The following BRD2 variants were observed in gnomAD, a reference collection of about 807,000 sequenced individuals.
BRD2 encodes bromodomain-containing protein 2.
In BRD2, 15 loss-of-function variants were observed where a neutral mutation model predicts 79.1. The ratio of observed to expected loss-of-function variants is 0.19; its 90% CI spans 0.13 to 0.29. The LOEUF (loss-of-function observed/expected upper bound fraction) is 0.29. BRD2 is among the 10% of genes least tolerant of loss of function. BRD2 has a pLI of 1.00. For synonymous variants in BRD2, 488 were observed against 358.6 expected, an observed-to-expected ratio of 1.36 and a Z score of -4.08; for missense variants, 1,053 against 991.3, an observed-to-expected ratio of 1.06 and a Z score of -0.84.
At position 32,972,926 on chromosome 6, in the gene BRD2, A is replaced by C; in HGVS notation, c.28A>C (p.Lys10Gln). Residue 10 changes from lysine (K) to glutamine (Q), a missense_variant and splice_region_variant, in exon 2 of 13, where the codon AAG (lysine) becomes CAG (glutamine). This residue lies in a region of BRD2 where 413 missense variants were observed against 335.1 expected (regional missense o/e 1.23). Coordinates refer to ENST00000374825, the MANE Select transcript of BRD2 (RefSeq NM_005104.4). MLQNVTPHN[K>Q]LPGEGNAGLL... ...GCTGCAAAACGTGACTCCCCACAATAAGTACGTTTCCGCGAGCCGCGTGTG... is the reference window on the plus strand; with the variant it reads ...GCTGCAAAACGTGACTCCCCACAATCAGTACGTTTCCGCGAGCCGCGTGTG... The C allele has an allele frequency of 6.2e-6, 10 of 1,613,936 alleles. No homozygotes were observed. Among genetic ancestry groups the C allele is most frequent in the Non-Finnish European group, 8.5e-6 (10 of 1,179,924 alleles).
At chr6:32,975,336 A>G in intron 3 of BRD2, 48 bp from the exon 4 acceptor site, 3 of 1,490,818 alleles carry the variant, frequency 2.0e-6, no homozygotes, top group Non-Finnish European at 2.8e-6. Context: ...TAGTCTCCCT[A>G]TAAGCATTTA....
At chr6:32,973,142 T>C (rs977928766) in intron 2 of BRD2, 82 of 1,548,868 alleles carry the variant, frequency 5.3e-5, no homozygotes, top group Non-Finnish European at 6.1e-5. Flanking sequence ...TGTCAATTTA[T>C]ACGCTATTAA....
In BRD2 at chr6:32,972,008, T is replaced by G. The variant is rs1049278; in HGVS notation, c.-891T>G. ...GGAAATGAAGTTTATGACGTCATCG[T>G]TGCGGCTGGCCAATAGAAAAAGCTC... On this transcript the variant is annotated 5_prime_UTR_variant, in exon 2 of 13. Transcript: ENST00000374825. The G allele has an allele frequency of 1.4e-6, 1 of 702,466 alleles. No homozygotes were observed. Among genetic ancestry groups the G allele is most frequent in the Non-Finnish European group, 2.6e-6 (1 of 384,918 alleles). The allele number at this position is 702,466 out of a possible 1,614,324, so 43.5% of individuals were successfully genotyped here.
chr6:32,972,664 G>A lies in BRD2; in HGVS notation c.-235G>A. 8.1e-6 allele frequency: 5 copies of A among 616,922 alleles called. No individual in the cohort carries two copies. In the South Asian group the frequency reaches 9.7e-5, roughly 12 times the overall value. 38.2% of individuals were successfully genotyped at this position (616,922 alleles called of 1,614,324 possible). A position where few individuals can be genotyped will look rare whatever the true frequency, so the allele number is the denominator to read the frequency against. On this transcript the variant is annotated 5_prime_UTR_variant, in exon 2 of 13. Transcript: ENST00000374825. ...TTAGTTGCCCGCCTCAGCTGAGGCC[G>A]CCGCCATTTTCTTGCTGTCCGCCGT...
rs913304349 is a variant in BRD2 at position 32,976,640 on chromosome 6, C to T, written c.904C>T (p.Pro302Ser). 8 of 1,612,252 alleles carry T rather than the reference C, an allele frequency of 5.0e-6. No individual in the cohort carries two copies. The highest frequency in any genetic ancestry group is 2.7e-5 in the African/African-American group (2 of 74,924). ...CTTGGCTCCTGGTTCTCCAGCTAGC[C>T]CTCCTGGGAGTCTTGAGCCTAAGGC... The part of the protein sequence containing the change: ...AILAPGSPAS[P>S]PGSLEPKAAR... Residue 302 changes from proline (P) to serine (S), a missense_variant, in exon 7 of 13, where the codon CCT becomes TCT. Pro to Ser is a moderately conservative substitution (Grantham distance 74). Transcript: ENST00000374825.
chr6:32,975,603 T>C, intron 4 of BRD2, 82 bp downstream of exon 4: 2 of 1,535,244 alleles, frequency 1.3e-6, no homozygotes, highest in Non-Finnish European at 1.8e-6. Context: ...CTACATAAAG[T>C]TTAAATCCTT....
At position 32,976,325 on chromosome 6, in the gene BRD2, C is replaced by T; in HGVS notation, c.686C>T (p.Pro229Leu). The stretch of plus-strand genomic sequence containing the variant: ...GTGTCACACACAGCCCTGTATACTC[C>T]TCCACCTGAGATACCTACCACTGTC... ...SSVSHTALYT[P>L]PPEIPTTVLN... The change falls in exon 6 of 13, where the codon CCT becomes CTT. Residue 229 changes from proline (P) to leucine (L), a missense_variant. Physicochemically the swap from Pro to Leu is moderately conservative, Grantham distance 98. This residue lies in a region of BRD2 where 413 missense variants were observed against 335.1 expected (regional missense o/e 1.23). Coordinates refer to ENST00000374825, the MANE Select transcript of BRD2 (RefSeq NM_005104.4). The T allele has an allele frequency of 6.2e-7, 1 of 1,613,072 alleles. No individual in the cohort carries two copies. The highest frequency in any genetic ancestry group is 8.5e-7 in the Non-Finnish European group (1 of 1,180,018).
Position 32,976,083 on chromosome 6 carries a change from A to G in BRD2, c.524A>G (p.Gln175Arg). ...CAAACGCTGGAAAAGATATTCCTAC[A>G]GAAGGTTGCATCAATGCCACAAGAA... ...MAQTLEKIFL[Q>R]KVASMPQEEQ... The change falls in exon 5 of 13, where the codon CAG becomes CGG. Residue 175 changes from glutamine (Q) to arginine (R), a missense_variant. This residue lies in a region of BRD2 where 413 missense variants were observed against 335.1 expected (regional missense o/e 1.23). Transcript: ENST00000374825. The G allele has an allele frequency of 6.2e-7, 1 of 1,612,992 alleles. No individual in the cohort carries two copies. Among genetic ancestry groups the G allele is most frequent in the Non-Finnish European group, 8.5e-7 (1 of 1,180,000 alleles).
In BRD2 at chr6:32,979,664, T is replaced by C. The variant is rs1042360203; in HGVS notation, c.1842-164T>C. 9 of 747,362 alleles carry C rather than the reference T, an allele frequency of 1.2e-5. 1 individual carries two copies. Among genetic ancestry groups the C allele is most frequent in the East Asian group, 5.4e-5 (2 of 36,788 alleles). 46.3% of individuals were successfully genotyped at this position (747,362 alleles called of 1,614,324 possible). On this transcript the variant is annotated intron_variant, in intron 10 of 12. Coordinates refer to ENST00000374825, the MANE Select transcript of BRD2 (RefSeq NM_005104.4). Reference sequence around the variant, plus strand: ...ACTTACAGTCGAGCAAAATGCTCTGTTTCACTATACAGTGTCCCAGTAGCC... The same window carrying C: ...ACTTACAGTCGAGCAAAATGCTCTGCTTCACTATACAGTGTCCCAGTAGCC...
rs1384817053 is a variant in BRD2, at chr6:32,976,702, C to A, written c.966C>A (p.Arg322=). 6.2e-7 allele frequency: 1 copy of A among 1,612,970 alleles called. No individual in the cohort carries two copies. Among genetic ancestry groups the A allele is most frequent in the African/African-American group, 1.3e-5 (1 of 74,880 alleles). ...RLPPMRRESG[R]PIKPPRKDLP... The stretch of plus-strand genomic sequence containing the variant: ...CCCCTATGCGTAGAGAGAGTGGTCG[C>A]CCCATCAAGCCCCCACGCAAAGACT... The change falls in exon 7 of 13, where the codon CGC becomes CGA. Residue 322 remains arginine, a synonymous_variant. Coordinates refer to ENST00000374825, the MANE Select transcript of BRD2 (RefSeq NM_005104.4).
In BRD2 at chr6:32,976,471, T is replaced by A. The variant is rs770731252; in HGVS notation, c.825+7T>A. Reference sequence around the variant, plus strand: ...AGCCCAGCCCCTTGCCAAGGTATGATCTGTGGATTTCCTCTGGGCAGCAGG... The same window carrying A: ...AGCCCAGCCCCTTGCCAAGGTATGAACTGTGGATTTCCTCTGGGCAGCAGG... On this transcript the variant is annotated splice_region_variant and intron_variant, in intron 6 of 12. Coordinates refer to ENST00000374825, the MANE Select transcript of BRD2 (RefSeq NM_005104.4). 18 of 1,607,468 alleles carry A rather than the reference T, an allele frequency of 1.1e-5. No homozygotes were observed. The highest frequency in any genetic ancestry group is 1.4e-5 in the Non-Finnish European group (16 of 1,179,692).
rs755769962 is a variant in BRD2, at chr6:32,976,639, C to T, written c.903C>T (p.Ser301=). ...TCTTGGCTCCTGGTTCTCCAGCTAGCCCTCCTGGGAGTCTTGAGCCTAAGG... is the reference window on the plus strand; with the variant it reads ...TCTTGGCTCCTGGTTCTCCAGCTAGTCCTCCTGGGAGTCTTGAGCCTAAGG... ...TAILAPGSPA[S]PPGSLEPKAA... The change falls in exon 7 of 13, where the codon AGC becomes AGT. Residue 301 remains serine, a synonymous_variant. Coordinates refer to ENST00000374825, the MANE Select transcript of BRD2 (RefSeq NM_005104.4). 4.3e-6 allele frequency: 7 copies of T among 1,612,258 alleles called. No homozygotes were observed. The South Asian group carries it at 4.4e-5, about 10-fold the overall frequency.
Position 32,969,032 on chromosome 6 carries a change from C to T in BRD2, c.-1329C>T, listed in dbSNP as rs1777708441. ...ACCAAGCCGAGGGCAACTTTGGAGG[C>T]CCCCTGGAAGGCTTTAGGATCCAGG... is the stretch of plus-strand genomic sequence containing the variant. On this transcript the variant is annotated 5_prime_UTR_variant, in exon 1 of 13. Transcript: ENST00000374825. The T allele has an allele frequency of 2.7e-6, 1 of 375,956 alleles. No individual in the cohort carries two copies. Among genetic ancestry groups the T allele is most frequent in the East Asian group, 4.0e-5 (1 of 25,226 alleles). The allele number at this position is 375,956 out of a possible 1,614,324, so 23.3% of individuals were successfully genotyped here.
rs1192531570 is a variant in BRD2, at chr6:32,976,778, G to C, written c.1042G>C (p.Glu348Gln). 2 of 1,613,294 alleles carry C rather than the reference G, an allele frequency of 1.2e-6. No individual in the cohort carries two copies. Among genetic ancestry groups the C allele is most frequent in the Non-Finnish European group, 8.5e-7 (1 of 1,180,046 alleles). ...HQSSKKGKLSEQLKHCNGILK... is the reference protein window; with the variant it reads ...HQSSKKGKLSQQLKHCNGILK... ...GAGCTCTAAGAAAGGAAAGCTTTCA[G>C]AACAGTTAAAACATTGCAATGGCAT... Residue 348 changes from glutamate to glutamine, a missense_variant, in exon 7 of 13, where the codon GAA (glutamate) becomes CAA (glutamine). This residue lies in a region of BRD2 where 454 missense variants were observed against 430.5 expected (regional missense o/e 1.05). Transcript: ENST00000374825.
intron 10 of BRD2, chr6:32,979,490 C>CTT: frequency 2.8e-5 from 8 of 288,950 alleles, no homozygotes; most frequent in Middle Eastern, 1.0e-3. Context: ...TTAGATACTA[C>CTT]TTTTTTTTTT....
At chr6:32,977,006 CCTT>C in intron 7 of BRD2, 70 bp downstream of exon 7, 2 of 1,518,266 alleles carry the variant, frequency 1.3e-6, no homozygotes, top group Non-Finnish European at 1.8e-6. Flanking sequence ...CAATAAGTCT[CCTT>C]ATGTGGGCAC....
Position 32,969,025 on chromosome 6 carries a change from T to C in BRD2, c.-1336T>C. The stretch of plus-strand genomic sequence containing the variant: ...ACCCCGTACCAAGCCGAGGGCAACT[T>C]TGGAGGCCCCCTGGAAGGCTTTAGG... On this transcript the variant is annotated 5_prime_UTR_variant, in exon 1 of 13. Transcript: ENST00000374825. The C allele has an allele frequency of 5.9e-6, 2 of 337,964 alleles. No individual in the cohort carries two copies. Among genetic ancestry groups the C allele is most frequent in the Non-Finnish European group, 1.1e-5 (2 of 182,310 alleles). 20.9% of individuals were successfully genotyped at this position (337,964 alleles called of 1,614,324 possible). A position where few individuals can be genotyped will look rare whatever the true frequency, so the allele number is the denominator to read the frequency against.
intron 8 of BRD2, 93 bp from the exon 9 acceptor site, chr6:32,977,664 C>T: frequency 5.6e-6 from 9 of 1,602,666 alleles, no homozygotes; most frequent in East Asian, 2.2e-5. Flanking sequence ...TCTCACTGTT[C>T]TGTACAGTTG....
At position 32,980,151 on chromosome 6, in the gene BRD2, T is replaced by C; in HGVS notation, c.2146+19T>C. ...CCCTACAGTACGTATGAAATGAGGTTCATCTCATGGTTCTGAGGACAGTTG... is the reference window on the plus strand; with the variant it reads ...CCCTACAGTACGTATGAAATGAGGTCCATCTCATGGTTCTGAGGACAGTTG... On this transcript the variant is annotated intron_variant, in intron 11 of 12. Transcript: ENST00000374825. The C allele has an allele frequency of 6.2e-7, 1 of 1,605,298 alleles. No individual in the cohort carries two copies. The highest frequency in any genetic ancestry group is 8.5e-7 in the Non-Finnish European group (1 of 1,176,224).
Sources: gnomAD v4.1 joint callset for allele counts on GRCh38, gnomAD v4.1.1 for gene constraint, gnomAD v4.1.1 regional missense constraint, MANE v1.5 for transcripts, NCBI Gene and HGNC (gene_info 2026-07-23, HGNC 2026-07-21) for gene names.